The following CATSPERE variants were observed in gnomAD, a reference collection of about 807,000 sequenced individuals.
The protein encoded by CATSPERE is cation channel sperm-associated auxiliary subunit epsilon.
A neutral mutation model predicts 114.1 loss-of-function variants in CATSPERE; 93 were observed. The ratio of observed to expected loss-of-function variants is 0.81; its 90% CI spans 0.69 to 0.97. The LOEUF is 0.97. CATSPERE is among the 50% of genes least tolerant of loss of function. The probability of loss-of-function intolerance (pLI) is 0.00; values close to 1 mark genes in which losing one functional copy is unlikely to be tolerated. For missense variants in CATSPERE, 1,058 were observed against 1,131.6 expected, an observed-to-expected ratio of 0.93 and a Z score of 0.93; for synonymous variants, 341 against 384.1, an observed-to-expected ratio of 0.89 and a Z score of 1.31.
chr1:244,620,928 T>G (rs1280439274), intron 20 of CATSPERE, among the ~76,000 whole-genome samples: 1 of 147,818 alleles, frequency 6.8e-6, no homozygotes, highest in Non-Finnish European at 1.5e-5. Flanking sequence ...TCAGAGAACC[T>G]AAGGCTTTGA....
At chr1:244,524,874 C>A (rs1249705115) in intron 8 of CATSPERE, among the ~76,000 whole-genome samples, 3 of 146,760 alleles carry the variant, frequency 2.0e-5, no homozygotes, top group Middle Eastern at 3.4e-3. Flanking sequence ...AATAGGAACA[C>A]TTTTACACTG....
In CATSPERE at chr1:244,640,172, A is replaced by C; in HGVS notation, c.*91A>C. The stretch of plus-strand genomic sequence containing the variant: ...TTGAGAGTGTGTGTTTGACCAAGAA[A>C]TACTAAATATAAGCTCGTAGTAGGC... On this transcript the variant is annotated 3_prime_UTR_variant, in exon 22 of 22. Transcript: ENST00000366534. The C allele has an allele frequency of 2.0e-6, 2 of 1,017,680 alleles. No homozygotes were observed. The highest frequency in any genetic ancestry group is 1.7e-5 in the South Asian group (1 of 57,596). The allele number at this position is 1,017,680 out of a possible 1,614,324, so 63.0% of individuals were successfully genotyped here. A position where few individuals can be genotyped will look rare whatever the true frequency, so the allele number is the denominator to read the frequency against.
chr1:244,562,074 C>T (rs182470382), intron 10 of CATSPERE, among the ~76,000 whole-genome samples: 1 of 145,602 alleles, frequency 6.9e-6, no homozygotes, highest in Admixed American at 7.2e-5. Context: ...ATCACTTGAG[C>T]CCGGGAGGTC....
chr1:244,561,232 A>G (rs1662510583), intron 10 of CATSPERE, 87 bp downstream of exon 10: 4 of 1,006,966 alleles, frequency 4.0e-6, no homozygotes, highest in Admixed American at 2.2e-5. Flanking sequence ...TAATGTACCA[A>G]TGTGTGGCGT....
chr1:244,531,235 CAAAAAAAAAAAAAA>C lies in CATSPERE; in HGVS notation c.536+12548_536+12561del, dbSNP rs60936159. 4.8e-3 allele frequency among the ~76,000 whole-genome samples: 290 copies of C among 60,408 alleles called. 1 individual carries two copies. The highest frequency in any genetic ancestry group is 9.2e-3 in the Non-Finnish European group (214 of 23,374). 39.6% of individuals were successfully genotyped at this position (60,408 alleles called of 152,430 possible). ...TGGGCAACAGAGGGAGACTCAGTCT[CAAAAAAAAAAAAAA>C]AAAAAAAAAAGATTGTATCTTCTGC... On this transcript the variant is annotated intron_variant, in intron 8 of 21. Coordinates refer to ENST00000366534, the MANE Select transcript of CATSPERE (RefSeq NM_001130957.2).
intron 9 of CATSPERE, among the ~76,000 whole-genome samples, chr1:244,555,422 A>T (rs779510862): frequency 3.8e-4 from 57 of 151,924 alleles, no homozygotes; most frequent in Non-Finnish European, 3.5e-4. Flanking sequence ...TAGAAGGAAC[A>T]TACCTCAAAA....
chr1:244,513,830 A>G (rs1377803748), intron 7 of CATSPERE, among the ~76,000 whole-genome samples: 4 of 152,180 alleles, frequency 2.6e-5, no homozygotes, highest in Non-Finnish European at 4.4e-5. Flanking sequence ...TGGAAGCTGC[A>G]GGTGGGTTGG....
At chr1:244,509,267 G>GT (rs377241838) in intron 7 of CATSPERE, among the ~76,000 whole-genome samples, 121 of 145,918 alleles carry the variant, frequency 8.3e-4, no homozygotes, top group Middle Eastern at 7.3e-3. Flanking sequence ...AATTTGTCGA[G>GT]TTTTTTTTTT....
At chr1:244,491,330 G>C (rs1172433773) in intron 6 of CATSPERE, among the ~76,000 whole-genome samples, 1 of 152,102 alleles carries the variant, frequency 6.6e-6, no homozygotes, top group Non-Finnish European at 1.5e-5. Context: ...TGAACAACCT[G>C]CTCCTGAATG....
chr1:244,549,658 G>C (rs1465507257), intron 8 of CATSPERE, among the ~76,000 whole-genome samples: 1 of 152,122 alleles, frequency 6.6e-6, no homozygotes, highest in Admixed American at 6.5e-5. Context: ...CAGGATAGTT[G>C]TACCATGTTA....
At position 244,610,317 on chromosome 1, in the gene CATSPERE, G is replaced by A; in HGVS notation, c.2481G>A (p.Trp827Ter). 6.2e-7 allele frequency: 1 copy of A among 1,608,324 alleles called. No individual in the cohort carries two copies. Among genetic ancestry groups the A allele is most frequent in the Non-Finnish European group, 8.5e-7 (1 of 1,175,022 alleles). ...AGCACCTCCCACTAGAAGAAGTCTG[G>A]GGACCTGAGGTAAGAGAAACATTAC... ...LNKHLPLEEVWGPENYKHCFS... is the reference protein window; with the variant it reads ...LNKHLPLEEV The change falls in exon 19 of 22, where the codon TGG becomes TGA. Residue 827 changes from tryptophan (W) to a stop codon, truncating the protein, a stop_gained. Coordinates refer to ENST00000366534, the MANE Select transcript of CATSPERE (RefSeq NM_001130957.2). LOFTEE classifies it high-confidence loss of function.
chr1:244,461,677 A>G (rs980746469), intron 1 of CATSPERE, among the ~76,000 whole-genome samples, 183 bp downstream of exon 1: 1 of 152,050 alleles, frequency 6.6e-6, no homozygotes, highest in African/African-American at 2.4e-5. Flanking sequence ...AGAGTTTTCC[A>G]TGAGCGAGAG....
chr1:244,640,172 A>G lies in CATSPERE; in HGVS notation c.*91A>G, dbSNP rs1675186154. ...TTGAGAGTGTGTGTTTGACCAAGAAATACTAAATATAAGCTCGTAGTAGGC... is the reference window on the plus strand; with the variant it reads ...TTGAGAGTGTGTGTTTGACCAAGAAGTACTAAATATAAGCTCGTAGTAGGC... On this transcript the variant is annotated 3_prime_UTR_variant, in exon 22 of 22. Coordinates refer to ENST00000366534, the MANE Select transcript of CATSPERE (RefSeq NM_001130957.2). 1 of 1,017,678 alleles carries G rather than the reference A, an allele frequency of 9.8e-7. No individual in the cohort carries two copies. Among genetic ancestry groups the G allele is most frequent in the South Asian group, 1.7e-5 (1 of 57,596 alleles). The allele number at this position is 1,017,678 out of a possible 1,614,324, so 63.0% of individuals were successfully genotyped here.
chr1:244,569,167 G>A (rs1664072365), intron 10 of CATSPERE, among the ~76,000 whole-genome samples: 1 of 151,928 alleles, frequency 6.6e-6, no homozygotes, highest in Non-Finnish European at 1.5e-5. Context: ...ACAGTCCCTC[G>A]TGGCTTCCCT....
At chr1:244,621,164 AT>A (rs1300247115) in intron 20 of CATSPERE, among the ~76,000 whole-genome samples, 2 of 115,464 alleles carry the variant, frequency 1.7e-5, no homozygotes, top group African/African-American at 7.0e-5. Flanking sequence ...AAATATATAT[AT>A]TATATATAGA....
At chr1:244,603,812 G>T (rs186218473) in intron 17 of CATSPERE, among the ~76,000 whole-genome samples, 2 of 152,008 alleles carry the variant, frequency 1.3e-5, no homozygotes, top group Non-Finnish European at 2.9e-5. Context: ...TCAAGATGAG[G>T]CTGGACAACA....
intron 8 of CATSPERE, among the ~76,000 whole-genome samples, chr1:244,531,617 A>G (rs1253411466): frequency 6.6e-6 from 1 of 152,152 alleles, no homozygotes; most frequent in East Asian, 1.9e-4. Flanking sequence ...TTCTGTTGAT[A>G]TAATGTATCA....
At chr1:244,523,163 G>C (rs1031333173) in intron 8 of CATSPERE, among the ~76,000 whole-genome samples, 1 of 149,424 alleles carries the variant, frequency 6.7e-6, no homozygotes, top group African/African-American at 2.6e-5. Context: ...TCATCCCTGG[G>C]ATGCAAGGCT....
At chr1:244,554,601 G>GT (rs1558487042) in intron 9 of CATSPERE, among the ~76,000 whole-genome samples, 1 of 152,132 alleles carries the variant, frequency 6.6e-6, no homozygotes, top group Non-Finnish European at 1.5e-5. Context: ...TCTCATTGTG[G>GT]TTTTGATTTA....
Sources: gnomAD v4.1 joint callset for allele counts (sites outside exome capture counted in the v4.1 genomes callset) on GRCh38, gnomAD v4.1.1 for gene constraint, MANE v1.5 for transcripts, NCBI Gene and HGNC (gene_info 2026-07-23, HGNC 2026-07-21) for gene names.